Variants in RANBP17 observed in about 807,000 individuals in gnomAD.
The protein encoded by RANBP17 is RAN binding protein 17, also known as ran-binding protein 17.
A neutral mutation model predicts 141.2 loss-of-function variants in RANBP17; 158 were observed. The ratio of observed to expected loss-of-function variants is 1.12; its 90% CI spans 0.98 to 1.28. RANBP17 has a LOEUF of 1.28. Among genes scored for constraint, RANBP17 ranks in the 50% most tolerant of loss-of-function variants. The pLI, the probability that RANBP17 is intolerant of heterozygous loss-of-function variation, is 0.00. For missense variants in RANBP17, 1,438 were observed against 1,290.7 expected (o/e 1.11, Z -1.75); for synonymous variants, 430 against 450.0 (o/e 0.96, Z 0.56).
chr5:171,113,273 G>T (rs1180164333), intron 14 of RANBP17, among the ~76,000 whole-genome samples: 1 of 151,968 alleles, frequency 6.6e-6, no homozygotes, highest in African/African-American at 2.4e-5. Context: ...GAGCATTCTT[G>T]GCAATTATTA....
intron 14 of RANBP17, among the ~76,000 whole-genome samples, chr5:171,157,665 G>T (rs759068004): frequency 3.5e-4 from 54 of 152,206 alleles, no homozygotes; most frequent in Non-Finnish European, 6.3e-4. Flanking sequence ...GTATGATAGC[G>T]CATGGTTAAA....
At chr5:170,955,874 A>T (rs1012692125) in intron 13 of RANBP17, among the ~76,000 whole-genome samples, 3 of 149,140 alleles carry the variant, frequency 2.0e-5, no homozygotes, top group African/African-American at 7.3e-5. Flanking sequence ...CATTTTGAAA[A>T]TGTTTTCTCT....
chr5:171,176,769 C>T (rs868474088), intron 16 of RANBP17, among the ~76,000 whole-genome samples: 2 of 152,200 alleles, frequency 1.3e-5, no homozygotes, highest in South Asian at 2.1e-4. Flanking sequence ...TATAGATAAA[C>T]CATTAAGTAT....
intron 14 of RANBP17, among the ~76,000 whole-genome samples, chr5:171,085,324 C>A (rs1353584496): frequency 1.1e-4 from 14 of 129,664 alleles, no homozygotes; most frequent in Non-Finnish European, 6.6e-5. Context: ...TGATCTATAT[C>A]TCTGTTTTGG....
chr5:171,277,637 G>GTGTGTGTGTATATATATATATATATA lies in RANBP17; in HGVS notation c.2943+11791_2943+11792insGTGTGTGTATATATATATATATATAT, dbSNP rs1437482589. Among the ~76,000 whole-genome samples the GTGTGTGTGTATATATATATATATATA allele has an allele frequency of 4.6e-4, 26 of 56,914 alleles. 1 individual carries two copies. Among genetic ancestry groups the GTGTGTGTGTATATATATATATATATA allele is most frequent in the African/African-American group, 1.5e-3 (25 of 17,216 alleles). 37.3% of individuals were successfully genotyped at this position (56,914 alleles called of 152,430 possible). On this transcript the variant is annotated intron_variant, in intron 25 of 27. Coordinates refer to ENST00000523189, the MANE Select transcript of RANBP17 (RefSeq NM_022897.5). The stretch of plus-strand genomic sequence containing the variant: ...GTGCCTTACGTATACATATATGTAT[G>GTGTGTGTGTATATATATATATATATA]TATATATATATATATATATATATAT...
At chr5:171,046,205 CT>C (rs1203505195) in intron 14 of RANBP17, among the ~76,000 whole-genome samples, 693 of 131,322 alleles carry the variant, frequency 5.3e-3, no homozygotes, top group South Asian at 0.013. Context: ...ATAGTTCTGC[CT>C]TTTTTTTTTT....
chr5:171,021,119 A>C (rs1224713313), intron 14 of RANBP17, among the ~76,000 whole-genome samples: 1 of 152,198 alleles, frequency 6.6e-6, no homozygotes, highest in Non-Finnish European at 1.5e-5. Flanking sequence ...TCTGGCTTAT[A>C]GGGTTTCTGC....
chr5:171,287,453 G>A (rs911038813), intron 25 of RANBP17, among the ~76,000 whole-genome samples: 1 of 149,764 alleles, frequency 6.7e-6, no homozygotes, highest in East Asian at 2.0e-4. Flanking sequence ...TCACAACATT[G>A]CACTCCAGCC....
At chr5:171,261,420 T>G (rs1361059416) in intron 24 of RANBP17, among the ~76,000 whole-genome samples, 5 of 152,214 alleles carry the variant, frequency 3.3e-5, no homozygotes, top group Non-Finnish European at 7.4e-5. Context: ...TATATTTTTC[T>G]AAGACCTTCA....
At chr5:170,944,975 T>C (rs547880114) in intron 12 of RANBP17, among the ~76,000 whole-genome samples, 5 of 152,352 alleles carry the variant, frequency 3.3e-5, no homozygotes, top group African/African-American at 1.2e-4. Context: ...CTCTATCTTA[T>C]CTGTCTCTCA....
chr5:171,147,928 G>C (rs1385939986), intron 14 of RANBP17, among the ~76,000 whole-genome samples: 1 of 152,208 alleles, frequency 6.6e-6, no homozygotes, highest in Admixed American at 6.5e-5. Flanking sequence ...GATGACAATG[G>C]CGGTTTTGTG....
rs1282607829 is a variant in RANBP17, at chr5:171,242,772, G to A, written c.2728G>A (p.Val910Ile). 2 of 1,613,456 alleles carry A rather than the reference G, an allele frequency of 1.2e-6. No homozygotes were observed. Among genetic ancestry groups the A allele is most frequent in the East Asian group, 2.2e-5 (1 of 44,834 alleles). The change falls in exon 24 of 28, where the codon GTA (valine) becomes ATA (isoleucine). Residue 910 changes from valine to isoleucine, a missense_variant. Coordinates refer to ENST00000523189, the MANE Select transcript of RANBP17 (RefSeq NM_022897.5). ...MSFIINLEPP[V>I]LMYVLTSISE... ...CTTCATCATCAACTTAGAGCCTCCT[G>A]TACTCATGTATGTTCTCACATCTAT... is the stretch of plus-strand genomic sequence containing the variant.
At chr5:171,128,830 A>C (rs6867024) in intron 14 of RANBP17, among the ~76,000 whole-genome samples, 95 of 136,198 alleles carry the variant, frequency 7.0e-4, no homozygotes, top group South Asian at 1.0e-3. Context: ...GACCCCCCCC[A>C]AAAAAAATTT....
intron 12 of RANBP17, among the ~76,000 whole-genome samples, chr5:170,931,672 C>G (rs1773399655): frequency 6.6e-6 from 1 of 152,110 alleles, no homozygotes; most frequent in Non-Finnish European, 1.5e-5. Context: ...GGAATCTTTC[C>G]CCATTTCTTG....
chr5:170,977,871 G>T (rs865982480), intron 14 of RANBP17, among the ~76,000 whole-genome samples: 1 of 152,010 alleles, frequency 6.6e-6, no homozygotes, highest in Non-Finnish European at 1.5e-5. Flanking sequence ...TGGACAAAAG[G>T]TATGAAATAC....
Position 171,170,121 on chromosome 5 carries a change from T to C in RANBP17, c.1711-9T>C. ...GTAAAACTTTTAACAATGAAATGTT[T>C]TAATGCAGGTATATGCTCGTATGTC... On this transcript the variant is annotated splice_polypyrimidine_tract_variant and intron_variant, in intron 14 of 27. Transcript: ENST00000523189. 6.8e-7 allele frequency: 1 copy of C among 1,477,746 alleles called. No individual in the cohort carries two copies. The highest frequency in any genetic ancestry group is 9.2e-7 in the Non-Finnish European group (1 of 1,084,388). 91.5% of individuals were successfully genotyped at this position (1,477,746 alleles called of 1,614,324 possible).
At chr5:171,105,423 A>G (rs2127750338) in intron 14 of RANBP17, among the ~76,000 whole-genome samples, 1 of 146,532 alleles carries the variant, frequency 6.8e-6, no homozygotes, top group Non-Finnish European at 1.5e-5. Flanking sequence ...TGGGACTGGC[A>G]TGGTGGCTCA....
chr5:171,195,838 T>G (rs1015263682), intron 18 of RANBP17, among the ~76,000 whole-genome samples: 14 of 152,204 alleles, frequency 9.2e-5, no homozygotes, highest in Admixed American at 2.6e-4. Context: ...TCGTACAACT[T>G]CATGAGATTG....
chr5:171,225,632 G>A (rs906290882), intron 22 of RANBP17, among the ~76,000 whole-genome samples: 1 of 152,148 alleles, frequency 6.6e-6, no homozygotes, highest in Non-Finnish European at 1.5e-5. Flanking sequence ...GAGGAAAGAG[G>A]CCAGAACATT....
Sources: gnomAD v4.1 joint callset for allele counts (sites outside exome capture counted in the v4.1 genomes callset) on GRCh38, gnomAD v4.1.1 for gene constraint, MANE v1.5 for transcripts, NCBI Gene and HGNC (gene_info 2026-07-23, HGNC 2026-07-21) for gene names.